The following TRIO variants were observed in gnomAD, a reference collection of about 807,000 sequenced individuals.
The protein encoded by TRIO is triple functional domain protein.
In TRIO, 58 loss-of-function variants were observed where a neutral mutation model predicts 351.9. The ratio of observed to expected loss-of-function variants is 0.16; its 90% CI spans 0.13 to 0.21. The LOEUF (loss-of-function observed/expected upper bound fraction) is 0.21, where lower values mean the gene tolerates loss of function less well. Among genes scored for constraint, TRIO ranks in the 10% least tolerant of loss-of-function variants. TRIO has a pLI of 1.00. For missense variants in TRIO, 3,201 were observed against 4,027.8 expected (o/e 0.79, Z 5.56); for synonymous variants, 1,758 against 1,595.7 (o/e 1.10, Z -2.42).
intron 1 of TRIO, among the ~76,000 whole-genome samples, chr5:14,226,454 C>T (rs1365239539): frequency 8.5e-5 from 13 of 152,084 alleles, no homozygotes; most frequent in African/African-American, 2.9e-4. Flanking sequence ...TGGAGTGGAG[C>T]GTGGACGACA....
chr5:14,272,497 C>T (rs1796033399), intron 2 of TRIO, among the ~76,000 whole-genome samples: 1 of 152,180 alleles, frequency 6.6e-6, no homozygotes, highest in African/African-American at 2.4e-5. Context: ...ACAGTCAACA[C>T]TAAAACTGTT....
At chr5:14,207,559 G>GACAC (rs1554033526) in intron 1 of TRIO, among the ~76,000 whole-genome samples, 4 of 94,534 alleles carry the variant, frequency 4.2e-5, no homozygotes, top group South Asian at 3.3e-4. Context: ...CACACACACG[G>GACAC]AGCCAGGTGT....
intron 27 of TRIO, among the ~76,000 whole-genome samples, chr5:14,391,937 C>A (rs928165470): frequency 3.3e-5 from 5 of 152,218 alleles, no homozygotes; most frequent in Admixed American, 3.3e-4. Flanking sequence ...TTCTCCCAGG[C>A]CAAAGTGGCC....
chr5:14,180,242 C>A (rs1489198183), intron 1 of TRIO, among the ~76,000 whole-genome samples: 1 of 151,298 alleles, frequency 6.6e-6, no homozygotes, highest in Non-Finnish European at 1.5e-5. Flanking sequence ...TATTTTCAGT[C>A]TGTGGCCTGA....
chr5:14,373,941 G>A (rs1745339717), intron 18 of TRIO, among the ~76,000 whole-genome samples: 2 of 152,218 alleles, frequency 1.3e-5, no homozygotes, highest in South Asian at 4.1e-4. Context: ...GACGGAGACA[G>A]GGCTTCCCTT....
intron 11 of TRIO, among the ~76,000 whole-genome samples, chr5:14,357,708 C>T (rs1201711516): frequency 6.6e-6 from 1 of 152,174 alleles, no homozygotes; most frequent in Non-Finnish European, 1.5e-5. Context: ...ACATTGTGCA[C>T]TTCCTTCTGT....
rs146720306 is a variant in TRIO, at chr5:14,361,198, A to G, written c.2391+1667A>G. Among the ~76,000 whole-genome samples, 450 of 152,366 alleles carry G rather than the reference A, an allele frequency of 3.0e-3. 2 individuals carry two copies. Among genetic ancestry groups the G allele is most frequent in the Non-Finnish European group, 4.6e-3 (313 of 68,034 alleles). ...CTTGAAAAAAAAAATCGATTCGTTT[A>G]TCTTAATACTATAAAGAGAAAAAAA... On this transcript the variant is annotated intron_variant, in intron 13 of 56. Coordinates refer to ENST00000344204, the MANE Select transcript of TRIO (RefSeq NM_007118.4).
chr5:14,303,854 G>C (rs1234893103), intron 7 of TRIO, among the ~76,000 whole-genome samples: 1 of 152,210 alleles, frequency 6.6e-6, no homozygotes, highest in Non-Finnish European at 1.5e-5. Context: ...TCACAGAGAA[G>C]TTCAGGCCCC....
At chr5:14,488,573 C>G in intron 48 of TRIO, 1 of 512,094 alleles carries the variant, frequency 2.0e-6, no homozygotes, top group Non-Finnish European at 3.4e-6. Flanking sequence ...CTGCCTTCCT[C>G]ACGCACCTAT....
At chr5:14,277,805 G>A (rs962738204) in intron 2 of TRIO, among the ~76,000 whole-genome samples, 3 of 152,196 alleles carry the variant, frequency 2.0e-5, no homozygotes, top group African/African-American at 7.2e-5. Flanking sequence ...TAGCGACCAT[G>A]TTCCTCTGAA....
chr5:14,290,546 G>T (rs748676738), intron 4 of TRIO, among the ~76,000 whole-genome samples, 170 bp from the exon 5 acceptor site: 1 of 152,120 alleles, frequency 6.6e-6, no homozygotes, highest in Non-Finnish European at 1.5e-5. Flanking sequence ...TACTGATAAT[G>T]CTTCTTTCAT....
At chr5:14,207,708 T>G (rs1791632732) in intron 1 of TRIO, among the ~76,000 whole-genome samples, 1 of 151,290 alleles carries the variant, frequency 6.6e-6, no homozygotes, top group Non-Finnish European at 1.5e-5. Flanking sequence ...CAAGACCTTG[T>G]CTCAGAGAGA....
chr5:14,194,590 A>C (rs1032765003), intron 1 of TRIO, among the ~76,000 whole-genome samples: 1 of 152,240 alleles, frequency 6.6e-6, no homozygotes, highest in African/African-American at 2.4e-5. Flanking sequence ...ATGTTATTCC[A>C]GGAATTCTGC....
intron 1 of TRIO, among the ~76,000 whole-genome samples, chr5:14,153,957 A>G (rs1052231489): frequency 7.9e-5 from 12 of 152,158 alleles, no homozygotes; most frequent in African/African-American, 2.9e-4. Context: ...TATTTTTCTC[A>G]TGTTGGTTTG....
intron 9 of TRIO, among the ~76,000 whole-genome samples, chr5:14,318,621 C>T (rs1445530559): frequency 6.6e-6 from 1 of 151,942 alleles, no homozygotes; most frequent in African/African-American, 2.4e-5. Flanking sequence ...TGTTTTAGTC[C>T]AAGAAGATAA....
At chr5:14,488,293 C>A (rs1390632421) in intron 48 of TRIO, 33 bp downstream of exon 48, 1 of 1,522,124 alleles carries the variant, frequency 6.6e-7, no homozygotes, top group Non-Finnish European at 8.8e-7. Context: ...GCCCTCCCGC[C>A]CCCCTGCCTC....
chr5:14,224,867 GAT>G (rs1792883983), intron 1 of TRIO, among the ~76,000 whole-genome samples: 2 of 151,756 alleles, frequency 1.3e-5, no homozygotes, highest in Non-Finnish European at 2.9e-5. Flanking sequence ...CATAGGTTAA[GAT>G]ATGTGACATT....
chr5:14,245,510 G>A (rs1794381622), intron 1 of TRIO, among the ~76,000 whole-genome samples: 1 of 152,176 alleles, frequency 6.6e-6, no homozygotes. Flanking sequence ...CAAAAAACTT[G>A]GTTTCTTGAG....
chr5:14,406,759 T>G, intron 33 of TRIO, 87 bp downstream of exon 33: 1 of 1,361,070 alleles, frequency 7.3e-7, no homozygotes, highest in Middle Eastern at 2.4e-4. Flanking sequence ...TACTCACAGT[T>G]TGTCATCAAC....
Sources: allele counts gnomAD v4.1 joint callset (sites outside exome capture counted in the v4.1 genomes callset), GRCh38; gene constraint gnomAD v4.1.1; transcripts MANE v1.5; gene names NCBI Gene and HGNC (gene_info 2026-07-23, HGNC 2026-07-21).